The following PCDH15 variants were observed in gnomAD, a reference collection of about 807,000 sequenced individuals.
PCDH15 encodes protocadherin-15.
PCDH15 carries 129 observed loss-of-function variants against 178.5 expected under a neutral mutation model. That is an observed-to-expected ratio of 0.72 (90% CI 0.63 to 0.84). PCDH15 has a LOEUF of 0.84. PCDH15 is among the 40% of genes least tolerant of loss of function. The pLI is 0.00. For missense variants in PCDH15, 2,230 were observed against 2,099.9 expected (o/e 1.06, Z -1.21); for synonymous variants, 800 against 732.0 (o/e 1.09, Z -1.50).
chr10:55,111,310 A>G (rs1837495185), intron 2 of PCDH15, among the ~76,000 whole-genome samples: 1 of 152,224 alleles, frequency 6.6e-6, no homozygotes, highest in African/African-American at 2.4e-5. Flanking sequence ...GAAAGTGTAC[A>G]TTGACCATAC....
At chr10:54,941,776 T>C (rs2131864275) in intron 2 of PCDH15, among the ~76,000 whole-genome samples, 1 of 152,256 alleles carries the variant, frequency 6.6e-6, no homozygotes, top group East Asian at 1.9e-4. Context: ...TTTATAGTTT[T>C]TACTAACTTG....
chr10:54,290,558 A>C (rs1314605034), intron 8 of PCDH15, among the ~76,000 whole-genome samples: 1 of 152,196 alleles, frequency 6.6e-6, no homozygotes, highest in African/African-American at 2.4e-5. Flanking sequence ...TTAACCTAAA[A>C]TGTAAATGGG....
intron 2 of PCDH15, among the ~76,000 whole-genome samples, chr10:55,424,757 G>T (rs11004848): frequency 0.21 from 32,345 of 151,822 alleles, 3,629 homozygotes; most frequent in African/African-American, 0.27. Flanking sequence ...TAATTAATTT[G>T]CCAAACTCTC....
At chr10:55,564,126 A>T (rs1842253647) in intron 2 of PCDH15, among the ~76,000 whole-genome samples, 1 of 151,800 alleles carries the variant, frequency 6.6e-6, no homozygotes, top group Admixed American at 6.6e-5. Context: ...CCATTATTAT[A>T]ACTTTGGTTT....
At chr10:54,726,311 A>C (rs1942489368) in intron 1 of PCDH15, among the ~76,000 whole-genome samples, 1 of 151,666 alleles carries the variant, frequency 6.6e-6, no homozygotes, top group Non-Finnish European at 1.5e-5. Flanking sequence ...TAGAGAAACT[A>C]TTTTGAAAAA....
chr10:54,264,494 T>C (rs2057539668), intron 8 of PCDH15, among the ~76,000 whole-genome samples: 1 of 152,046 alleles, frequency 6.6e-6, no homozygotes, highest in Admixed American at 6.5e-5. Flanking sequence ...TAAGATAAAA[T>C]TGAAATCCAA....
intron 25 of PCDH15, among the ~76,000 whole-genome samples, chr10:53,924,654 G>A (rs1337911716): frequency 6.6e-6 from 1 of 152,240 alleles, no homozygotes; most frequent in African/African-American, 2.4e-5. Context: ...AGTCTAGTGG[G>A]GACTTGGAGA....
intron 26 of PCDH15, among the ~76,000 whole-genome samples, chr10:53,889,039 A>T (rs1221108195): frequency 6.6e-6 from 1 of 151,324 alleles, no homozygotes; most frequent in African/African-American, 2.4e-5. Context: ...AAAAAAAAAA[A>T]TCTTGACCTC....
chr10:55,554,546 T>A (rs956676760), intron 2 of PCDH15, among the ~76,000 whole-genome samples: 61 of 152,172 alleles, frequency 4.0e-4, no homozygotes, highest in African/African-American at 1.5e-3. Context: ...GGGTCACTCC[T>A]ATGAAGACAT....
intron 18 of PCDH15, among the ~76,000 whole-genome samples, chr10:54,028,742 A>G (rs61858387): frequency 2.2e-3 from 264 of 120,732 alleles, no homozygotes; most frequent in South Asian, 3.9e-3. Context: ...GAACAATGAG[A>G]TCACATGGAC....
At chr10:54,624,674 AC>A (rs898471740) in intron 2 of PCDH15, among the ~76,000 whole-genome samples, 1 of 152,148 alleles carries the variant, frequency 6.6e-6, no homozygotes, top group African/African-American at 2.4e-5. Context: ...AGTCTAAGTA[AC>A]ACTTTGTATT....
intron 25 of PCDH15, among the ~76,000 whole-genome samples, chr10:53,914,760 T>G (rs945441950): frequency 6.6e-6 from 1 of 151,842 alleles, no homozygotes; most frequent in African/African-American, 2.4e-5. Flanking sequence ...ACTTAAAGTA[T>G]ATAAAAAAAA....
intron 2 of PCDH15, among the ~76,000 whole-genome samples, chr10:55,369,958 G>GA (rs1036003424): frequency 1.3e-5 from 2 of 151,442 alleles, no homozygotes; most frequent in Non-Finnish European, 2.9e-5. Flanking sequence ...GCAATAGCTT[G>GA]AAAAAAAATC....
chr10:54,232,673 A>G (rs964635602), intron 9 of PCDH15, among the ~76,000 whole-genome samples: 1 of 152,136 alleles, frequency 6.6e-6, no homozygotes, highest in African/African-American at 2.4e-5. Context: ...TAAATTGTAT[A>G]TAATATTCCC....
chr10:53,942,520 T>C (rs1388092425), intron 23 of PCDH15, among the ~76,000 whole-genome samples: 1 of 152,202 alleles, frequency 6.6e-6, no homozygotes, highest in African/African-American at 2.4e-5. Flanking sequence ...ATGACTTGAC[T>C]AGATTCTCGC....
At chr10:55,549,570 T>C (rs749762812) in intron 2 of PCDH15, among the ~76,000 whole-genome samples, 5 of 151,888 alleles carry the variant, frequency 3.3e-5, no homozygotes, top group Non-Finnish European at 5.9e-5. Flanking sequence ...AAACAAAGAG[T>C]GATAAATGAG....
At chr10:54,878,959 T>A (rs1007203280) in intron 3 of PCDH15, among the ~76,000 whole-genome samples, 1 of 152,320 alleles carries the variant, frequency 6.6e-6, no homozygotes, top group East Asian at 1.9e-4. Context: ...CTTCGCCGAA[T>A]TATTATTTTA....
chr10:54,338,220 G>A (rs2134026091), intron 6 of PCDH15, among the ~76,000 whole-genome samples: 1 of 152,268 alleles, frequency 6.6e-6, no homozygotes, highest in African/African-American at 2.4e-5. Context: ...CTTTACACCA[G>A]TCTTAATTAT....
Position 54,153,266 on chromosome 10 carries a change from A to T in PCDH15, c.1618T>A (p.Ser540Thr). Residue 540 changes from serine (S) to threonine (T), a missense_variant, in exon 14 of 38, where the codon TCA (serine) becomes ACA (threonine). Coordinates refer to ENST00000644397, the MANE Select transcript of PCDH15 (RefSeq NM_001384140.1). The stretch of plus-strand genomic sequence containing the variant: ...ATTTCATATGTGATCTCCCCATTTG[A>T]CCCTTCGTCTGCGTCGACTGCAGTG... ...QLTAVDADEG[S>T]NGEITYEILV... The T allele has an allele frequency of 6.2e-7, 1 of 1,613,544 alleles. No individual in the cohort carries two copies. The highest frequency in any genetic ancestry group is 2.2e-5 in the East Asian group (1 of 44,836).
Sources: gnomAD v4.1 joint callset for allele counts (sites outside exome capture counted in the v4.1 genomes callset) on GRCh38, gnomAD v4.1.1 for gene constraint, MANE v1.5 for transcripts, NCBI Gene and HGNC (gene_info 2026-07-23, HGNC 2026-07-21) for gene names.